Variants in ABCC5 observed in about 807,000 individuals in gnomAD.
The protein encoded by ABCC5 is ATP binding cassette subfamily C member 5, also known as ATP-binding cassette sub-family C member 5.
ABCC5 carries 61 observed loss-of-function variants against 160.9 expected under a neutral mutation model. That is an observed-to-expected ratio of 0.38 (90% CI 0.31 to 0.47). The LOEUF (loss-of-function observed/expected upper bound fraction) is 0.47. ABCC5 is among the 20% of genes least tolerant of loss of function. The probability of loss-of-function intolerance (pLI) is 0.99; values close to 1 mark genes in which losing one functional copy is unlikely to be tolerated. For missense variants in ABCC5, 1,308 were observed against 1,813.3 expected (o/e 0.72, Z 5.06); for synonymous variants, 666 against 700.6 (o/e 0.95, Z 0.78).
At chr3:184,004,193 C>A (rs1057059393) in intron 2 of ABCC5, among the ~76,000 whole-genome samples, 4 of 144,428 alleles carry the variant, frequency 2.8e-5, no homozygotes, top group African/African-American at 1.1e-4. Flanking sequence ...ATCCCTTCAA[C>A]AAGATTTTCA....
chr3:183,958,568 C>T lies in ABCC5; in HGVS notation c.2482+1165G>A, dbSNP rs1043455447. ...AAAATCTCATACCTGAATTCAAAAT[C>T]CCATACCTTTTAAAAAAAGAAATAA... On this transcript the variant is annotated intron_variant, in intron 17 of 29. Transcript: ENST00000334444. 5.9e-5 allele frequency among the ~76,000 whole-genome samples: 9 copies of T among 152,200 alleles called. No individual in the cohort carries two copies. The East Asian group carries it at 1.4e-3, about 23-fold the overall frequency.
intron 23 of ABCC5, among the ~76,000 whole-genome samples, chr3:183,946,889 G>A (rs1404513380): frequency 1.3e-5 from 2 of 152,026 alleles, no homozygotes; most frequent in African/African-American, 2.4e-5. Context: ...GGGCTAGAAG[G>A]TTTTATGTAT....
At chr3:183,980,235 C>T (rs1400195415) in intron 8 of ABCC5, among the ~76,000 whole-genome samples, 1 of 152,198 alleles carries the variant, frequency 6.6e-6, no homozygotes, top group Admixed American at 6.5e-5. Flanking sequence ...CTGCCTAAGG[C>T]ATTGGGAACT....
At chr3:183,978,040 A>G (rs540212500) in intron 9 of ABCC5, among the ~76,000 whole-genome samples, 21 of 152,350 alleles carry the variant, frequency 1.4e-4, no homozygotes, top group Admixed American at 1.2e-3. Flanking sequence ...GGCGTGAGCC[A>G]CCATGCCTGG....
At position 183,925,709 on chromosome 3, in the gene ABCC5, A is replaced by T; in HGVS notation, c.4058T>A (p.Leu1353Ter). The change falls in exon 29 of 30, where the codon TTA becomes TAA. Residue 1353 changes from leucine (L) to a stop codon, truncating the protein, a stop_gained. Transcript: ENST00000334444. LOFTEE classifies it high-confidence loss of function. Reference protein sequence around the residue: ...ALLRHCKILILDEATAAMDTE... With the variant: ...ALLRHCKILI ...GTCCATGGCAGCTGTGGCTTCATCT[A>T]AAATCAGAATCTGCCAGAGAAGCAG... 6.2e-7 allele frequency: 1 copy of T among 1,612,786 alleles called. No homozygotes were observed. The highest frequency in any genetic ancestry group is 1.1e-5 in the South Asian group (1 of 90,896).
At chr3:183,979,709 T>C (rs1362701840) in intron 8 of ABCC5, among the ~76,000 whole-genome samples, 1 of 151,968 alleles carries the variant, frequency 6.6e-6, no homozygotes, top group Non-Finnish European at 1.5e-5. Context: ...GCCTCCCAAG[T>C]AGCTGGGACC....
rs1719367522 is a variant in ABCC5 at position 183,987,861 on chromosome 3, A to G, written c.500T>C (p.Leu167Pro). The G allele has an allele frequency of 1.2e-6, 2 of 1,614,194 alleles. No individual in the cohort carries two copies. Among genetic ancestry groups the G allele is most frequent in the Non-Finnish European group, 1.7e-6 (2 of 1,180,022 alleles). The change falls in exon 5 of 30, where the codon CTG becomes CCG. Residue 167 changes from leucine (L) to proline (P), a missense_variant. By Grantham distance (98) the Leu-to-Pro change is moderately conservative. Transcript: ENST00000334444. The surrounding 1 kb of genome is among the most constrained non-coding windows in gnomAD (Gnocchi z 4.2). Reference sequence around the variant, plus strand: ...GCAGAAGATCCACACAACCCTTCGCAGGGAAGCAGCGTCTGGCCCAACTTC... The same window carrying G: ...GCAGAAGATCCACACAACCCTTCGCGGGGAAGCAGCGTCTGGCCCAACTTC... ...LNEVGPDAAS[L>P]RRVVWIFCRT...
chr3:183,945,774 A>C (rs1714783274), intron 24 of ABCC5, 76 bp downstream of exon 24: 3 of 1,158,634 alleles, frequency 2.6e-6, no homozygotes, highest in Non-Finnish European at 2.6e-6. Context: ...CTCCTTGTAC[A>C]CCCAGCTGAG....
chr3:183,922,422 G>A (rs1712096430), intron 29 of ABCC5, among the ~76,000 whole-genome samples: 1 of 152,110 alleles, frequency 6.6e-6, no homozygotes, highest in African/African-American at 2.4e-5. Flanking sequence ...AAACTGCAGG[G>A]GAGAGAAGTT....
chr3:183,957,544 A>G (rs35710369), intron 17 of ABCC5, among the ~76,000 whole-genome samples: 1,268 of 75,224 alleles, frequency 0.017, 27 homozygotes, highest in African/African-American at 0.041. Context: ...ACATCACATC[A>G]GTTACATGCG....
At chr3:184,008,194 C>T (rs4148564) in intron 2 of ABCC5, among the ~76,000 whole-genome samples, 92,612 of 151,968 alleles carry the variant, frequency 0.61, 28,792 homozygotes, top group East Asian at 0.85. Flanking sequence ...CCAGACCACT[C>T]GGTTCAGTGC....
At chr3:183,977,436 TG>T in intron 10 of ABCC5, 80 bp downstream of exon 10, 1 of 1,037,094 alleles carries the variant, frequency 9.6e-7, no homozygotes, top group Non-Finnish European at 1.4e-6. Context: ...GAGGCCAGCC[TG>T]GGTGGCCCCT....
Position 183,987,806 on chromosome 3 carries a change from G to A in ABCC5, c.555C>T (p.Cys185=). 1 of 1,614,190 alleles carries A rather than the reference G, an allele frequency of 6.2e-7. No individual in the cohort carries two copies. Among genetic ancestry groups the A allele is most frequent in the Non-Finnish European group, 8.5e-7 (1 of 1,180,038 alleles). ...CRTRLILSIV[C]LMITQLAGFS... ...AGCCAGCCAGCTGCGTGATCATCAG[G>A]CACACGATGGACAGGATGAGCCTGG... Residue 185 remains cysteine, a synonymous_variant, in exon 5 of 30, where the codon TGC becomes TGT. Transcript: ENST00000334444. This position sits in a 1 kb window ranked among gnomAD's most constrained non-coding sequence, Gnocchi z 4.2.
At chr3:183,928,582 G>A (rs978495688) in intron 27 of ABCC5, among the ~76,000 whole-genome samples, 165 bp downstream of exon 27, 5 of 152,314 alleles carry the variant, frequency 3.3e-5, no homozygotes, top group Admixed American at 2.0e-4. Flanking sequence ...GGTTGAGAGG[G>A]ATCAGCTTTT....
At chr3:183,990,140 G>A (rs374278634) in intron 2 of ABCC5, among the ~76,000 whole-genome samples, 23 of 148,770 alleles carry the variant, frequency 1.5e-4, no homozygotes, top group African/African-American at 5.2e-4. Context: ...ATGGAGTCTC[G>A]CTCTGTTGCC....
intron 14 of ABCC5, among the ~76,000 whole-genome samples, chr3:183,964,872 G>A (rs1469608654): frequency 6.6e-6 from 1 of 152,196 alleles, no homozygotes; most frequent in African/African-American, 2.4e-5. Flanking sequence ...TCAAGTTCAA[G>A]GAAGATGCTC....
intron 10 of ABCC5, 111 bp downstream of exon 10, chr3:183,977,406 A>G: frequency 1.5e-6 from 1 of 682,516 alleles, no homozygotes; most frequent in South Asian, 2.3e-5. Context: ...CAAAAGGCCA[A>G]AGCCAAGCTT....
chr3:183,951,942 T>C lies in ABCC5; in HGVS notation c.2729A>G (p.His910Arg). ...GTAGATGCTGGCATAGTACTGCATATGAGGATTGTCCTTCATGCTGTCACT... is the reference window on the plus strand; with the variant it reads ...GTAGATGCTGGCATAGTACTGCATACGAGGATTGTCCTTCATGCTGTCACT... ...SVSDSMKDNPHMQYYASIYAL... is the reference protein window; with the variant it reads ...SVSDSMKDNPRMQYYASIYAL... The change falls in exon 19 of 30, where the codon CAT (histidine) becomes CGT (arginine). Residue 910 changes from histidine to arginine, a missense_variant. By Grantham distance (29) the His-to-Arg change is conservative. This residue lies in a region of ABCC5 where 1,142 missense variants were observed against 1,527.1 expected (regional missense o/e 0.75). Coordinates refer to ENST00000334444, the MANE Select transcript of ABCC5 (RefSeq NM_005688.4). The surrounding 1 kb of genome is among the most constrained non-coding windows in gnomAD (Gnocchi z 4.7). 1 of 1,613,790 alleles carries C rather than the reference T, an allele frequency of 6.2e-7. No homozygotes were observed. The highest frequency in any genetic ancestry group is 8.5e-7 in the Non-Finnish European group (1 of 1,179,706).
intron 28 of ABCC5, among the ~76,000 whole-genome samples, chr3:183,926,311 A>G (rs1211022877): frequency 2.0e-5 from 3 of 150,008 alleles, no homozygotes; most frequent in East Asian, 2.1e-4. Flanking sequence ...CAGCACTTTG[A>G]GAGGCCGAGG....
Sources: gnomAD v4.1 joint callset for allele counts (sites outside exome capture counted in the v4.1 genomes callset) on GRCh38, gnomAD v4.1.1 for gene constraint, gnomAD v4.1.1 regional missense constraint, Gnocchi (gnomAD v3.1) non-coding constraint, MANE v1.5 for transcripts, NCBI Gene and HGNC (gene_info 2026-07-23, HGNC 2026-07-21) for gene names.